LPIN1: variants seen among roughly 807,000 people sequenced by gnomAD.
The protein encoded by LPIN1 is lipin 1.
Under a neutral mutation model 107.5 loss-of-function variants are expected in LPIN1, and 71 were observed. The observed-to-expected ratio is 0.66, with a 90% CI of 0.55 to 0.80. The LOEUF (loss-of-function observed/expected upper bound fraction) is 0.80. LPIN1 is among the 30% of genes least tolerant of loss of function. The pLI, the probability that LPIN1 is intolerant of heterozygous loss-of-function variation, is 0.00. For missense variants in LPIN1, 1,043 were observed against 1,160.6 expected, an observed-to-expected ratio of 0.90 and a Z score of 1.47; for synonymous variants, 445 against 452.6, an observed-to-expected ratio of 0.98 and a Z score of 0.21.
intron 12 of LPIN1, 65 bp downstream of exon 12, chr2:11,788,521 T>C (rs781007940): frequency 1.6e-6 from 2 of 1,270,276 alleles, no homozygotes; most frequent in South Asian, 1.2e-5. Flanking sequence ...TCTGGGGTGG[T>C]TGGAATTTCA....
intron 1 of LPIN1, among the ~76,000 whole-genome samples, chr2:11,738,218 C>T (rs954936167): frequency 5.3e-5 from 8 of 151,610 alleles, no homozygotes; most frequent in African/African-American, 1.7e-4. Context: ...GGGAACATCA[C>T]ACACTGGGGC....
intron 17 of LPIN1, among the ~76,000 whole-genome samples, chr2:11,811,377 A>G (rs1351550087): frequency 6.6e-6 from 1 of 152,258 alleles, no homozygotes; most frequent in Non-Finnish European, 1.5e-5. Context: ...ACTTGTTGGC[A>G]TTGCAGACAG....
intron 2 of LPIN1, among the ~76,000 whole-genome samples, chr2:11,767,292 C>A (rs1002738339): frequency 1.3e-5 from 2 of 152,030 alleles, no homozygotes; most frequent in African/African-American, 4.8e-5. Context: ...GGTGTAATTT[C>A]TAATGTCTGG....
At chr2:11,709,037 A>G (rs1663272276) in intron 1 of LPIN1, among the ~76,000 whole-genome samples, 1 of 152,168 alleles carries the variant, frequency 6.6e-6, no homozygotes, top group Non-Finnish European at 1.5e-5. Flanking sequence ...TGAAGCCAGC[A>G]TTCTACCCTA....
In LPIN1 at chr2:11,803,631, C is replaced by G. The variant is rs1322164232; in HGVS notation, c.2013+598C>G. ...CTAAGAGTTAGTGGGGAGCCTGGCT[C>G]AAGTGTGAGGGTGTTTACTAGGAAA... On this transcript the variant is annotated intron_variant, in intron 15 of 20. Transcript: ENST00000674199. This position sits in a 1 kb window ranked among gnomAD's most constrained non-coding sequence, Gnocchi z 4.2. Among the ~76,000 whole-genome samples the G allele has an allele frequency of 6.6e-6, 1 of 152,142 alleles. No homozygotes were observed. The highest frequency in any genetic ancestry group is 2.4e-5 in the African/African-American group (1 of 41,432).
chr2:11,680,644 C>G (rs1351948169), intron 1 of LPIN1, among the ~76,000 whole-genome samples: 5 of 152,170 alleles, frequency 3.3e-5, no homozygotes, highest in African/African-American at 4.8e-5. Context: ...GGGGGTGGAG[C>G]TTTCTAGCTG....
At chr2:11,802,532 G>A (rs1677934798) in intron 14 of LPIN1, among the ~76,000 whole-genome samples, 1 of 152,134 alleles carries the variant, frequency 6.6e-6, no homozygotes, top group Non-Finnish European at 1.5e-5. Context: ...TAGAAACTTG[G>A]ACTCCTAGCG....
In LPIN1 at chr2:11,791,984, G is replaced by A. The variant is rs1675828437; in HGVS notation, c.1784G>A (p.Gly595Glu). ...KGGRWWFSWRGRNTTIKEESK... is the reference protein window; with the variant it reads ...KGGRWWFSWRERNTTIKEESK... ...GGAAGATGGTGGTTTTCATGGAGGG[G>A]AAGAAACACCACAATCAAGGAGGTA... The change falls in exon 13 of 21, where the codon GGA becomes GAA. Residue 595 changes from glycine (G) to glutamate (E), a missense_variant. By Grantham distance (98) the Gly-to-Glu change is moderately conservative. Coordinates refer to ENST00000674199, the MANE Select transcript of LPIN1 (RefSeq NM_001349206.2). 1.2e-6 allele frequency: 2 copies of A among 1,613,918 alleles called. No homozygotes were observed. The highest frequency in any genetic ancestry group is 1.7e-6 in the Non-Finnish European group (2 of 1,179,858).
chr2:11,761,346 A>G (rs1039935341), intron 1 of LPIN1, among the ~76,000 whole-genome samples: 2 of 152,190 alleles, frequency 1.3e-5, no homozygotes, highest in Non-Finnish European at 2.9e-5. Context: ...GTAAACTTAG[A>G]AAAATGTGTG....
chr2:11,758,727 C>T (rs796779771), intron 1 of LPIN1, among the ~76,000 whole-genome samples: 24 of 152,346 alleles, frequency 1.6e-4, no homozygotes, highest in African/African-American at 5.8e-4. Flanking sequence ...AAAGCCACAG[C>T]TGATATCAAA....
intron 20 of LPIN1, among the ~76,000 whole-genome samples, chr2:11,822,590 A>G (rs974951526): frequency 2.6e-5 from 4 of 152,212 alleles, no homozygotes; most frequent in South Asian, 2.1e-4. Context: ...TAAAACCATC[A>G]GATCTCATGC....
At chr2:11,749,802 C>G (rs923752749) in intron 1 of LPIN1, among the ~76,000 whole-genome samples, 4 of 152,234 alleles carry the variant, frequency 2.6e-5, no homozygotes, top group African/African-American at 9.6e-5. Context: ...CATTTTCACA[C>G]CGGTGGTCAT....
At chr2:11,823,390 A>AAATCTG (rs1681898768) in intron 20 of LPIN1, among the ~76,000 whole-genome samples, 1 of 152,218 alleles carries the variant, frequency 6.6e-6, no homozygotes, top group Non-Finnish European at 1.5e-5. Flanking sequence ...GGTATTTTAA[A>AAATCTG]AATCTGTCTG....
At position 11,822,277 on chromosome 2, in the gene LPIN1, CAAAAAAAAAAAAAAA is replaced by C. The variant is rs751514674; in HGVS notation, c.2621+1773_2621+1787del. On this transcript the variant is annotated intron_variant, in intron 20 of 20. Coordinates refer to ENST00000674199, the MANE Select transcript of LPIN1 (RefSeq NM_001349206.2). ...GAAACCCTGTCTCTACTAGAAATGC[CAAAAAAAAAAAAAAA>C]AAAAAAAAATTAGCCAGGCATGGCA... Among the ~76,000 whole-genome samples the C allele has an allele frequency of 3.8e-5, 3 of 78,878 alleles. No homozygotes were observed. The Admixed American group carries it at 4.4e-4, about 12-fold the overall frequency. 51.7% of individuals were successfully genotyped at this position (78,878 alleles called of 152,430 possible).
chr2:11,727,388 T>C (rs1664772547), intron 1 of LPIN1, among the ~76,000 whole-genome samples: 1 of 152,204 alleles, frequency 6.6e-6, no homozygotes, highest in African/African-American at 2.4e-5. Flanking sequence ...CTCGCTTGTT[T>C]CTTTTCTTTA....
In LPIN1 at chr2:11,740,713, A is replaced by T. The variant is rs199703694; in HGVS notation, c.-71-636A>T. Among the ~76,000 whole-genome samples, 35 of 124,552 alleles carry T rather than the reference A, an allele frequency of 2.8e-4. No individual in the cohort carries two copies. The East Asian group carries it at 5.4e-3, about 19-fold the overall frequency. 81.7% of individuals were successfully genotyped at this position (124,552 alleles called of 152,430 possible). ...AAAAAAAAAAAAAAAAGGAAGAAAG[A>T]AAGAAAAGAAAAGAAAGAAAGAAAG... On this transcript the variant is annotated intron_variant, in intron 1 of 21. Coordinates refer to the LPIN1 transcript ENST00000396097.
chr2:11,772,205 A>G (rs117690542), intron 4 of LPIN1, among the ~76,000 whole-genome samples: 1 of 152,346 alleles, frequency 6.6e-6, no homozygotes, highest in East Asian at 1.9e-4. Context: ...GCAAACACAG[A>G]TGAAGCTTTG....
In LPIN1 at chr2:11,819,184, G is replaced by A. The variant is rs144403196; in HGVS notation, c.2403-300G>A. 1,087 of 349,318 alleles carry A rather than the reference G, an allele frequency of 3.1e-3. 7 individuals are homozygous for A. The highest frequency in any genetic ancestry group is 0.016 in the African/African-American group (758 of 46,918). The allele number at this position is 349,318 out of a possible 1,614,324, so 21.6% of individuals were successfully genotyped here. On this transcript the variant is annotated intron_variant, in intron 18 of 20. Coordinates refer to ENST00000674199, the MANE Select transcript of LPIN1 (RefSeq NM_001349206.2). ...TTTTTAAGGTTATGCTAGCCTCATC[G>A]AATTAATTTGGAGATGTTCTTTTTT... is the stretch of plus-strand genomic sequence containing the variant.
chr2:11,760,340 G>A (rs1296349015), intron 1 of LPIN1, among the ~76,000 whole-genome samples: 2 of 152,242 alleles, frequency 1.3e-5, no homozygotes, highest in Non-Finnish European at 2.9e-5. Flanking sequence ...CGGCTGGGAG[G>A]TGGAGGTTGT....
Sources: allele counts gnomAD v4.1 joint callset (sites outside exome capture counted in the v4.1 genomes callset), GRCh38; gene constraint gnomAD v4.1.1; non-coding constraint Gnocchi (gnomAD v3.1); transcripts MANE v1.5; gene names NCBI Gene and HGNC (gene_info 2026-07-23, HGNC 2026-07-21).